Variants in SDK2 observed in about 807,000 individuals in gnomAD.
The protein encoded by SDK2 is protein sidekick-2.
In SDK2, 105 loss-of-function variants were observed where a neutral mutation model predicts 253.9. The ratio of observed to expected loss-of-function variants is 0.41; its 90% CI spans 0.35 to 0.49. The LOEUF is 0.49. Among genes scored for constraint, SDK2 ranks in the 20% least tolerant of loss-of-function variants. The probability of loss-of-function intolerance (pLI) is 0.06; values close to 1 mark genes in which losing one functional copy is unlikely to be tolerated. For missense variants in SDK2, 2,608 were observed against 3,003.0 expected, an observed-to-expected ratio of 0.87 and a Z score of 3.07; for synonymous variants, 1,249 against 1,234.9, an observed-to-expected ratio of 1.01 and a Z score of -0.24.
intron 2 of SDK2, among the ~76,000 whole-genome samples, chr17:73,472,460 C>T (rs1167514525): frequency 6.6e-6 from 1 of 152,208 alleles, no homozygotes; most frequent in Non-Finnish European, 1.5e-5. Context: ...CTGCCCTTCT[C>T]CAAGCAGGGA....
At chr17:73,498,342 T>C (rs2063860031) in intron 2 of SDK2, among the ~76,000 whole-genome samples, 1 of 152,226 alleles carries the variant, frequency 6.6e-6, no homozygotes, top group East Asian at 1.9e-4. Context: ...CCACGCTCAC[T>C]TGGCCTCAGT....
At chr17:73,593,318 C>T (rs1030621479) in intron 1 of SDK2, among the ~76,000 whole-genome samples, 13 of 152,262 alleles carry the variant, frequency 8.5e-5, no homozygotes, top group African/African-American at 2.9e-4. Context: ...AGGCCCAAAA[C>T]GTTTGTGGGG....
chr17:73,356,542 A>T (rs1599479306), intron 40 of SDK2, among the ~76,000 whole-genome samples: 1 of 152,322 alleles, frequency 6.6e-6, no homozygotes, highest in Non-Finnish European at 1.5e-5. Flanking sequence ...TTCAAGGGCA[A>T]ATGTATGACA....
chr17:73,375,179 T>C (rs1341189010), intron 36 of SDK2, among the ~76,000 whole-genome samples: 1 of 151,132 alleles, frequency 6.6e-6, no homozygotes, highest in Non-Finnish European at 1.5e-5. Context: ...CCTGTTCTCC[T>C]TCAGGTTTTT....
At chr17:73,535,942 C>A (rs2044765173) in intron 1 of SDK2, among the ~76,000 whole-genome samples, 1 of 152,174 alleles carries the variant, frequency 6.6e-6, no homozygotes, top group Admixed American at 6.5e-5. Context: ...CCAAGCACAT[C>A]CTTTCTTCCT....
intron 3 of SDK2, among the ~76,000 whole-genome samples, chr17:73,464,370 A>G (rs574397329): frequency 3.3e-5 from 5 of 152,318 alleles, no homozygotes; most frequent in Admixed American, 2.6e-4. Context: ...GCCTGCCACC[A>G]TGTAAGATGT....
chr17:73,469,198 C>T (rs2063626560), intron 3 of SDK2, among the ~76,000 whole-genome samples: 1 of 152,170 alleles, frequency 6.6e-6, no homozygotes, highest in African/African-American at 2.4e-5. Context: ...TAAGGCACTA[C>T]CCGCAAAGCC....
At position 73,423,532 on chromosome 17, in the gene SDK2, A is replaced by G; in HGVS notation, c.1761-10T>C. ...CGCGTGGGGCAGTTGCCTGGAAAAGAGACACGTGGTCAGGCATCCCTATGT... is the reference window on the plus strand; with the variant it reads ...CGCGTGGGGCAGTTGCCTGGAAAAGGGACACGTGGTCAGGCATCCCTATGT... On this transcript the variant is annotated splice_polypyrimidine_tract_variant and intron_variant, in intron 13 of 44. Transcript: ENST00000392650. 1 of 1,540,076 alleles carries G rather than the reference A, an allele frequency of 6.5e-7. No individual in the cohort carries two copies. The highest frequency in any genetic ancestry group is 2.4e-5 in the East Asian group (1 of 42,524).
chr17:73,420,539 C>A (rs902470113), intron 15 of SDK2, among the ~76,000 whole-genome samples: 4 of 152,120 alleles, frequency 2.6e-5, no homozygotes. Flanking sequence ...TCATGTTGGC[C>A]AGGCTGGTTT....
intron 36 of SDK2, among the ~76,000 whole-genome samples, chr17:73,370,024 G>A (rs1408324295): frequency 6.6e-6 from 1 of 152,208 alleles, no homozygotes; most frequent in Non-Finnish European, 1.5e-5. Context: ...ATAGCGGCCA[G>A]CTGGGCCCAG....
intron 17 of SDK2, 124 bp downstream of exon 17, chr17:73,415,687 C>G (rs2063174377): frequency 3.8e-6 from 3 of 792,652 alleles, no homozygotes; most frequent in Non-Finnish European, 6.0e-6. Context: ...TGGAGTCTCC[C>G]TATGTTGCCC....
At chr17:73,480,618 G>C (rs2063715999) in intron 2 of SDK2, among the ~76,000 whole-genome samples, 1 of 152,164 alleles carries the variant, frequency 6.6e-6, no homozygotes, top group African/African-American at 2.4e-5. Flanking sequence ...GGGGGTGAGT[G>C]GGGGTGAAAA....
intron 2 of SDK2, among the ~76,000 whole-genome samples, chr17:73,483,431 C>T (rs548701731): frequency 5.4e-5 from 8 of 147,172 alleles, no homozygotes; most frequent in African/African-American, 1.0e-4. Flanking sequence ...CTCAGCCTCC[C>T]GAGTAGTTGG....
Position 73,493,220 on chromosome 17 carries a change from A to G in SDK2, c.224+14218T>C, listed in dbSNP as rs1242848318. Among the ~76,000 whole-genome samples the G allele has an allele frequency of 3.9e-5, 6 of 152,176 alleles. 1 individual carries two copies. The highest frequency in any genetic ancestry group is 2.0e-4 in the Admixed American group (3 of 15,288). On this transcript the variant is annotated intron_variant, in intron 2 of 44. Transcript: ENST00000392650. The stretch of plus-strand genomic sequence containing the variant: ...ATTCAGGCCAAATTCAAATATGTCA[A>G]TCTCAGGTGATGAATGATGAAACCC...
chr17:73,364,152 C>T (rs1451314452), intron 38 of SDK2, among the ~76,000 whole-genome samples: 9 of 152,142 alleles, frequency 5.9e-5, no homozygotes, highest in Non-Finnish European at 1.2e-4. Context: ...AACGCAGTTT[C>T]CTTCCTGCCT....
intron 30 of SDK2, 98 bp downstream of exon 30, chr17:73,387,738 G>A: frequency 3.6e-6 from 4 of 1,108,680 alleles, no homozygotes; most frequent in Non-Finnish European, 5.1e-6. Context: ...GGGGCAGGCT[G>A]GAGGTGTTTT....
In SDK2 at chr17:73,338,101, A is replaced by G; in HGVS notation, c.*486T>C. ...TGGAGGGAAGGAGGAGCAGAGAGAG[A>G]AGATAGGCGTGGCCTCCGGGATGCC... On this transcript the variant is annotated 3_prime_UTR_variant, in exon 45 of 45. Coordinates refer to ENST00000392650, the MANE Select transcript of SDK2 (RefSeq NM_001144952.2). The surrounding 1 kb of genome is among the most constrained non-coding windows in gnomAD (Gnocchi z 5.0). 4.0e-6 allele frequency: 1 copy of G among 249,280 alleles called. No homozygotes were observed. Among genetic ancestry groups the G allele is most frequent in the Non-Finnish European group, 8.0e-6 (1 of 124,404 alleles). 15.4% of individuals were successfully genotyped at this position (249,280 alleles called of 1,614,324 possible). A position where few individuals can be genotyped will look rare whatever the true frequency, so the allele number is the denominator to read the frequency against.
chr17:73,506,835 C>A (rs966871146), intron 2 of SDK2, among the ~76,000 whole-genome samples: 28 of 152,242 alleles, frequency 1.8e-4, no homozygotes, highest in African/African-American at 6.8e-4. Flanking sequence ...AGACCCTATT[C>A]TCTTTCCCTG....
At position 73,422,425 on chromosome 17, in the gene SDK2, C is replaced by G; in HGVS notation, c.1907G>C (p.Trp636Ser). ...ILEMSENNAP[W>S]TVLLASVDPK... ...GTCCACACTGGCCAGGAGTACAGTC[C>G]AGGGGGCATCTGCAGGGACAGTGAG... Residue 636 changes from tryptophan to serine, a missense_variant, in exon 15 of 45, where the codon TGG becomes TCG. By Grantham distance (177) the Trp-to-Ser change is radical. Coordinates refer to ENST00000392650, the MANE Select transcript of SDK2 (RefSeq NM_001144952.2). 1 of 1,613,862 alleles carries G rather than the reference C, an allele frequency of 6.2e-7. No homozygotes were observed. Among genetic ancestry groups the G allele is most frequent in the Non-Finnish European group, 8.5e-7 (1 of 1,179,834 alleles).
Sources: allele counts gnomAD v4.1 joint callset (sites outside exome capture counted in the v4.1 genomes callset), GRCh38; gene constraint gnomAD v4.1.1; non-coding constraint Gnocchi (gnomAD v3.1); transcripts MANE v1.5; gene names NCBI Gene and HGNC (gene_info 2026-07-23, HGNC 2026-07-21).